DAB1: variants seen among roughly 807,000 people sequenced by gnomAD.
DAB1 encodes disabled homolog 1.
DAB1 carries 15 observed loss-of-function variants against 64.6 expected under a neutral mutation model. The ratio of observed to expected loss-of-function variants is 0.23; its 90% CI spans 0.16 to 0.36. The LOEUF (loss-of-function observed/expected upper bound fraction) is 0.36. DAB1 is among the 10% of genes least tolerant of loss of function. DAB1 has a pLI of 1.00. For missense variants in DAB1, 596 were observed against 706.7 expected, an observed-to-expected ratio of 0.84 and a Z score of 1.78; for synonymous variants, 235 against 251.9, an observed-to-expected ratio of 0.93 and a Z score of 0.64.
chr1:57,999,257 T>A (rs1366389261), intron 5 of DAB1, among the ~76,000 whole-genome samples: 1 of 152,130 alleles, frequency 6.6e-6, no homozygotes, highest in Non-Finnish European at 1.5e-5. Flanking sequence ...ACTGTACAGT[T>A]TGGTGAAGGT....
chr1:57,032,985 C>A (rs959991256), intron 9 of DAB1, among the ~76,000 whole-genome samples: 1 of 152,110 alleles, frequency 6.6e-6, no homozygotes, highest in African/African-American at 2.4e-5. Context: ...CTAAGCTAGG[C>A]GAGGCTCTAC....
chr1:57,485,625 C>A (rs1296872853), intron 7 of DAB1, among the ~76,000 whole-genome samples: 1 of 152,164 alleles, frequency 6.6e-6, no homozygotes, highest in Non-Finnish European at 1.5e-5. Context: ...CCTCTGTTAA[C>A]CAGCTGACTT....
At chr1:57,898,744 G>A (rs573581998) in intron 5 of DAB1, among the ~76,000 whole-genome samples, 7 of 152,292 alleles carry the variant, frequency 4.6e-5, no homozygotes, top group Admixed American at 3.9e-4. Flanking sequence ...GAGTCACCAG[G>A]CTAATAGGAT....
chr1:58,302,130 A>G (rs1662185163), intron 4 of DAB1, among the ~76,000 whole-genome samples: 1 of 152,134 alleles, frequency 6.6e-6, no homozygotes, highest in South Asian at 2.1e-4. Flanking sequence ...AAATTGGTGT[A>G]CACTTAGACC....
intron 3 of DAB1, among the ~76,000 whole-genome samples, chr1:58,439,787 C>G (rs1001938940): frequency 6.6e-6 from 1 of 152,312 alleles, no homozygotes; most frequent in African/African-American, 2.4e-5. Context: ...TATGTTGAGG[C>G]CCGTCTGTAT....
At chr1:57,899,292 A>G (rs1022728219) in intron 5 of DAB1, among the ~76,000 whole-genome samples, 1 of 152,162 alleles carries the variant, frequency 6.6e-6, no homozygotes, top group Non-Finnish European at 1.5e-5. Flanking sequence ...TGTAAAGCTT[A>G]CAGTTCTAAA....
intron 3 of DAB1, among the ~76,000 whole-genome samples, chr1:58,444,552 C>T (rs150480497): frequency 6.6e-6 from 1 of 152,210 alleles, no homozygotes; most frequent in Non-Finnish European, 1.5e-5. Context: ...TGTGTCCCAG[C>T]CAGCAAAAAT....
At chr1:58,186,545 T>C (rs553325117) in intron 4 of DAB1, among the ~76,000 whole-genome samples, 19 of 152,326 alleles carry the variant, frequency 1.2e-4, no homozygotes, top group Admixed American at 2.6e-4. Flanking sequence ...TAAAGATGAA[T>C]ACATTGCAGA....
Position 57,649,000 on chromosome 1 carries a change from A to C in DAB1, n.625+592T>G, listed in dbSNP as rs138008044. Among the ~76,000 whole-genome samples the C allele has an allele frequency of 7.8e-3, 1,184 of 152,326 alleles. 18 individuals carry two copies. Among genetic ancestry groups the C allele is most frequent in the African/African-American group, 0.027 (1,138 of 41,558 alleles). On this transcript the variant is annotated intron_variant and non_coding_transcript_variant, in intron 7 of 20. Coordinates refer to the DAB1 transcript ENST00000485760. ...TTTGTCAAAAGAATAGGCGTTTTCA[A>C]TTGTGGATTCCTGGCTCCTGTATGA...
chr1:57,378,068 G>T (rs1681053367), intron 1 of DAB1, among the ~76,000 whole-genome samples: 1 of 152,186 alleles, frequency 6.6e-6, no homozygotes. Context: ...CTGGCCAAAT[G>T]AACCAGAGGC....
At chr1:58,390,050 G>A (rs79209468) in intron 3 of DAB1, among the ~76,000 whole-genome samples, 14,285 of 152,116 alleles carry the variant, frequency 0.094, 806 homozygotes, top group Middle Eastern at 0.16. Flanking sequence ...TTAGCAGGGC[G>A]AAAATATACT....
intron 3 of DAB1, among the ~76,000 whole-genome samples, chr1:58,429,668 G>A (rs1644851135): frequency 6.6e-6 from 1 of 152,204 alleles, no homozygotes; most frequent in African/African-American, 2.4e-5. Flanking sequence ...ACTGCATGGA[G>A]TAGTGGAAAG....
intron 6 of DAB1, among the ~76,000 whole-genome samples, chr1:57,731,459 T>C (rs933667288): frequency 1.3e-5 from 2 of 152,134 alleles, no homozygotes; most frequent in Non-Finnish European, 2.9e-5. Context: ...GATCAAAATG[T>C]TGTTTTATGC....
At chr1:58,208,834 C>T (rs1038077312) in intron 4 of DAB1, among the ~76,000 whole-genome samples, 2 of 152,104 alleles carry the variant, frequency 1.3e-5, no homozygotes, top group Admixed American at 6.6e-5. Flanking sequence ...AATGGTAGAT[C>T]TACCTTTAGT....
chr1:58,262,046 C>A (rs1164816934), intron 4 of DAB1, among the ~76,000 whole-genome samples: 2 of 152,156 alleles, frequency 1.3e-5, no homozygotes, highest in Non-Finnish European at 2.9e-5. Flanking sequence ...GGTCTGGGCT[C>A]AATCTGTCAT....
At chr1:58,485,749 G>A (rs1329046724) in intron 3 of DAB1, among the ~76,000 whole-genome samples, 2 of 152,016 alleles carry the variant, frequency 1.3e-5, no homozygotes, top group African/African-American at 2.4e-5. Context: ...GCTAGAATAT[G>A]TCTTTCCACT....
At chr1:58,482,711 A>G (rs1312452274) in intron 3 of DAB1, among the ~76,000 whole-genome samples, 1 of 152,146 alleles carries the variant, frequency 6.6e-6, no homozygotes, top group Non-Finnish European at 1.5e-5. Context: ...CCTGAAGGAC[A>G]TGAGGAAAGA....
At position 57,051,586 on chromosome 1, in the gene DAB1, G is replaced by A. The variant is rs1649192445; in HGVS notation, c.723+11298C>T. On this transcript the variant is annotated intron_variant, in intron 9 of 14. Coordinates refer to ENST00000371236, the MANE Select transcript of DAB1 (RefSeq NM_001365792.1). ...AAGTCAACCAAATACTGATTGCTTG[G>A]GGACAGGGTGTTTGCAGGATGGGAT... is the stretch of plus-strand genomic sequence containing the variant. 3.9e-5 allele frequency among the ~76,000 whole-genome samples: 6 copies of A among 152,186 alleles called. No individual in the cohort carries two copies. The South Asian group carries it at 1.2e-3, about 32-fold the overall frequency.
At chr1:58,019,987 C>T (rs1646793887) in intron 5 of DAB1, among the ~76,000 whole-genome samples, 5 of 152,136 alleles carry the variant, frequency 3.3e-5, no homozygotes, top group Admixed American at 3.3e-4. Flanking sequence ...TATAATGTTT[C>T]CTGCAATTAT....
Sources: gnomAD v4.1 joint callset for allele counts (sites outside exome capture counted in the v4.1 genomes callset) on GRCh38, gnomAD v4.1.1 for gene constraint, MANE v1.5 for transcripts, NCBI Gene and HGNC (gene_info 2026-07-23, HGNC 2026-07-21) for gene names.